The following ZZEF1 variants were observed in gnomAD, a reference collection of about 807,000 sequenced individuals.
The protein encoded by ZZEF1 is zinc finger ZZ-type and EF-hand domain containing 1, also known as zinc finger ZZ-type and EF-hand domain-containing protein 1.
In ZZEF1, 157 loss-of-function variants were observed where a neutral mutation model predicts 342.8. That is an observed-to-expected ratio of 0.46 (90% CI 0.40 to 0.52). The LOEUF is 0.52. Ranked by LOEUF, ZZEF1 falls within the 20% of genes least tolerant of loss-of-function variation. The pLI, the probability that ZZEF1 is intolerant of heterozygous loss-of-function variation, is 0.00. For missense variants in ZZEF1, 3,480 were observed against 3,725.6 expected (o/e 0.93, Z 1.72); for synonymous variants, 1,505 against 1,429.1 (o/e 1.05, Z -1.20).
intron 28 of ZZEF1, 21 bp from the exon 29 acceptor site, chr17:4,064,850 T>C (rs748487356): frequency 2.0e-6 from 2 of 990,212 alleles, no homozygotes; most frequent in Non-Finnish European, 2.6e-6. Context: ...ACAAGAATCA[T>C]AATTGAAAAA....
intron 39 of ZZEF1, among the ~76,000 whole-genome samples, chr17:4,041,946 T>C (rs2056812239): frequency 6.6e-6 from 1 of 152,054 alleles, no homozygotes; most frequent in African/African-American, 2.4e-5. Flanking sequence ...TTAGGCTATA[T>C]GTATAAAACT....
At position 4,056,457 on chromosome 17, in the gene ZZEF1, C is replaced by T. The variant is rs910913159; in HGVS notation, c.5166-112G>A. ...TATTATATTGGGCATTTTTCAACTT[C>T]TGAGAGGGAAAGGTCAACTGCTTTT... On this transcript the variant is annotated intron_variant, in intron 32 of 54. Coordinates refer to ENST00000381638, the MANE Select transcript of ZZEF1 (RefSeq NM_015113.4). The T allele has an allele frequency of 2.2e-5, 25 of 1,150,660 alleles. No homozygotes were observed. The South Asian group carries it at 4.4e-4, about 20-fold the overall frequency. 71.3% of individuals were successfully genotyped at this position (1,150,660 alleles called of 1,614,324 possible). A position where few individuals can be genotyped will look rare whatever the true frequency, so the allele number is the denominator to read the frequency against.
Position 4,025,031 on chromosome 17 carries a change from G to A in ZZEF1, c.6980C>T (p.Ala2327Val), listed in dbSNP as rs146731885. Residue 2327 changes from alanine (A) to valine (V), a missense_variant, in exon 43 of 55, where the codon GCC becomes GTC. Ala to Val is a moderately conservative substitution (Grantham distance 64, BLOSUM62 0). This residue lies in a region of ZZEF1 where 1,269 missense variants were observed against 1,342.4 expected (regional missense o/e 0.95). Coordinates refer to ENST00000381638, the MANE Select transcript of ZZEF1 (RefSeq NM_015113.4). ...TTGCAGAAGGTGACTGGCGATAAAGGCAAAGTGCTGGGAGTACTGGCTCAG... is the reference window on the plus strand; with the variant it reads ...TTGCAGAAGGTGACTGGCGATAAAGACAAAGTGCTGGGAGTACTGGCTCAG... The part of the protein sequence containing the change: ...AQLSQYSQHF[A>V]FIASHLLQSS... The A allele has an allele frequency of 5.1e-4, 816 of 1,614,086 alleles. 2 individuals are homozygous for A. The highest frequency in any genetic ancestry group is 6.7e-4 in the Non-Finnish European group (788 of 1,180,046).
At chr17:4,022,071 A>T (rs1020015555) in intron 44 of ZZEF1, among the ~76,000 whole-genome samples, 9 of 152,342 alleles carry the variant, frequency 5.9e-5, no homozygotes, top group Admixed American at 2.6e-4. Context: ...TTTTCCTTAA[A>T]CCTAACCAAA....
chr17:4,116,138 G>A (rs1024865899), intron 3 of ZZEF1, among the ~76,000 whole-genome samples: 33 of 152,106 alleles, frequency 2.2e-4, no homozygotes, highest in Admixed American at 3.9e-4. Flanking sequence ...TGACCAACAC[G>A]GTGAAACCTG....
At chr17:4,015,096 C>T (rs1351086074) in intron 49 of ZZEF1, among the ~76,000 whole-genome samples, 3 of 152,144 alleles carry the variant, frequency 2.0e-5, no homozygotes, top group Admixed American at 6.5e-5. Context: ...GCATCACTGA[C>T]AGCTGGTGTG....
At chr17:4,054,480 G>C (rs2057114424) in intron 33 of ZZEF1, among the ~76,000 whole-genome samples, 1 of 152,166 alleles carries the variant, frequency 6.6e-6, no homozygotes, top group Non-Finnish European at 1.5e-5. Flanking sequence ...TTTTCCAAAG[G>C]AGATAATTCC....
intron 13 of ZZEF1, 116 bp from the exon 14 acceptor site, chr17:4,087,650 C>T (rs2057858120): frequency 1.2e-6 from 1 of 856,628 alleles, no homozygotes; most frequent in African/African-American, 1.7e-5. Context: ...ATGAGTGAGA[C>T]TTTCATATTA....
intron 18 of ZZEF1, among the ~76,000 whole-genome samples, chr17:4,080,570 T>G (rs1297020751): frequency 6.6e-6 from 1 of 152,168 alleles, no homozygotes; most frequent in Non-Finnish European, 1.5e-5. Flanking sequence ...TCAGCTAATT[T>G]TGTATTTTTG....
intron 39 of ZZEF1, among the ~76,000 whole-genome samples, chr17:4,037,606 CAG>C (rs2056702050): frequency 6.6e-6 from 1 of 152,234 alleles, no homozygotes; most frequent in African/African-American, 2.4e-5. Flanking sequence ...TTTTAAGAGA[CAG>C]AGTCTTACCC....
At chr17:4,082,731 A>T (rs2057747269) in intron 16 of ZZEF1, among the ~76,000 whole-genome samples, 1 of 152,180 alleles carries the variant, frequency 6.6e-6, no homozygotes, top group Non-Finnish European at 1.5e-5. Context: ...TGCCAAAGTC[A>T]ACAGAAGGTT....
intron 35 of ZZEF1, among the ~76,000 whole-genome samples, chr17:4,051,601 A>G (rs2057046751): frequency 6.6e-6 from 1 of 151,976 alleles, no homozygotes; most frequent in Non-Finnish European, 1.5e-5. Flanking sequence ...TTGTATTTTT[A>G]GTAGAGACGG....
At chr17:4,104,556 G>A (rs1278922499) in intron 8 of ZZEF1, 77 bp downstream of exon 8, 7 of 1,492,710 alleles carry the variant, frequency 4.7e-6, no homozygotes, top group Non-Finnish European at 3.7e-6. Context: ...GATACCAGGA[G>A]GTCATATGGC....
At chr17:4,013,955 G>C (rs181344775) in intron 51 of ZZEF1, 135 bp downstream of exon 51, 3 of 838,590 alleles carry the variant, frequency 3.6e-6, no homozygotes, top group East Asian at 2.7e-5. Flanking sequence ...TGTGGGGCTT[G>C]TGAGACAAAT....
At chr17:4,020,927 C>G (rs1339797319) in intron 45 of ZZEF1, among the ~76,000 whole-genome samples, 2 of 152,172 alleles carry the variant, frequency 1.3e-5, no homozygotes, top group African/African-American at 4.8e-5. Context: ...GTTTATAACC[C>G]AAAATATTAA....
chr17:4,030,023 C>T (rs934674744), intron 42 of ZZEF1, among the ~76,000 whole-genome samples: 3 of 126,978 alleles, frequency 2.4e-5, no homozygotes, highest in African/African-American at 3.6e-5. Flanking sequence ...TGCTGAGATC[C>T]TATTAAAAAA....
At chr17:4,041,856 CA>C (rs1233521749) in intron 39 of ZZEF1, among the ~76,000 whole-genome samples, 3 of 151,806 alleles carry the variant, frequency 2.0e-5, no homozygotes, top group Non-Finnish European at 4.4e-5. Context: ...CATCTAAATA[CA>C]ACGGAATTTT....
At position 4,142,527 on chromosome 17, in the gene ZZEF1, C is replaced by G. The variant is rs547262492; in HGVS notation, c.354+15G>C. 119 of 1,587,858 alleles carry G rather than the reference C, an allele frequency of 7.5e-5. No homozygotes were observed. The African/African-American group carries it at 1.5e-3, about 20-fold the overall frequency. ...CCGCCCTGCCCCATCCCCGCAGTCG[C>G]CTGCCGGCCCTGACCTCCTCGAACT... On this transcript the variant is annotated intron_variant, in intron 1 of 54. Transcript: ENST00000381638.
chr17:4,045,199 C>G (rs2056888568), intron 37 of ZZEF1, among the ~76,000 whole-genome samples: 1 of 152,120 alleles, frequency 6.6e-6, no homozygotes, highest in Non-Finnish European at 1.5e-5. Context: ...CCCCCATCTT[C>G]CAAATGTCCC....
Sources: gnomAD v4.1 joint callset for allele counts (sites outside exome capture counted in the v4.1 genomes callset) on GRCh38, gnomAD v4.1.1 for gene constraint, gnomAD v4.1.1 regional missense constraint, MANE v1.5 for transcripts, NCBI Gene and HGNC (gene_info 2026-07-23, HGNC 2026-07-21) for gene names.